The following PCDHGA1 variants were observed in gnomAD, a reference collection of about 807,000 sequenced individuals.
The protein encoded by PCDHGA1 is protocadherin gamma-A1.
PCDHGA1 carries 32 observed loss-of-function variants against 58.0 expected under a neutral mutation model. That is an observed-to-expected ratio of 0.55 (90% CI 0.42 to 0.74). PCDHGA1 has a LOEUF of 0.74. Ranked by LOEUF, PCDHGA1 falls within the 30% of genes least tolerant of loss-of-function variation. The pLI, the probability that PCDHGA1 is intolerant of heterozygous loss-of-function variation, is 0.00. For missense variants in PCDHGA1, 1,205 were observed against 1,182.3 expected, an observed-to-expected ratio of 1.02 and a Z score of -0.28; for synonymous variants, 498 against 501.1, an observed-to-expected ratio of 0.99 and a Z score of 0.08.
At chr5:141,462,984 T>G (rs1349170605) in intron 1 of PCDHGA1, among the ~76,000 whole-genome samples, 1 of 152,156 alleles carries the variant, frequency 6.6e-6, no homozygotes, top group African/African-American at 2.4e-5. Context: ...ACTTTTGCCT[T>G]GGGCTAATTT....
At chr5:141,374,020 G>T in intron 1 of PCDHGA1, 1 of 1,408,826 alleles carries the variant, frequency 7.1e-7, no homozygotes, top group Non-Finnish European at 9.3e-7. Context: ...TCTGAGAAGA[G>T]CAAAAGTGAT....
In PCDHGA1 at chr5:141,355,573, G is replaced by T. The variant is rs781268450; in HGVS notation, c.2421+22468G>T. On this transcript the variant is annotated intron_variant, in intron 1 of 3. Coordinates refer to ENST00000517417, the MANE Select transcript of PCDHGA1 (RefSeq NM_018912.3). ...TTTGCGGGTAGAGGTGGAAATAATC[G>T]ATGTTAATGATAACCCACCCAGTTT... 3.1e-6 allele frequency: 5 copies of T among 1,613,858 alleles called. No individual in the cohort carries two copies. In the African/African-American group the frequency reaches 4.0e-5, roughly 13 times the overall value.
intron 1 of PCDHGA1, chr5:141,339,427 T>G (rs200981359): frequency 5.7e-5 from 92 of 1,614,094 alleles, no homozygotes; most frequent in Non-Finnish European, 7.3e-5. Context: ...GATTCCGGAT[T>G]CCTCTTAAGA....
intron 1 of PCDHGA1, chr5:141,340,580 A>G (rs1328464150): frequency 1.2e-6 from 2 of 1,614,106 alleles, no homozygotes; most frequent in Admixed American, 1.7e-5. Flanking sequence ...AGCGCGGGAC[A>G]GCGGGAACCC....
rs1390278177 is a variant in PCDHGA1, at chr5:141,366,317, G to A, written c.2421+33212G>A. The A allele has an allele frequency of 1.9e-6, 3 of 1,613,628 alleles. No homozygotes were observed. In the South Asian group the frequency reaches 3.3e-5, roughly 18 times the overall value. ...GTCAGCCACCTTCACGGTCACCGTT[G>A]CCGTGGCCGACAGGATCCCTGACAT... On this transcript the variant is annotated intron_variant, in intron 1 of 3. Coordinates refer to ENST00000517417, the MANE Select transcript of PCDHGA1 (RefSeq NM_018912.3).
chr5:141,365,116 C>G (rs1763746744), intron 1 of PCDHGA1: 1 of 1,613,900 alleles, frequency 6.2e-7, no homozygotes, highest in Non-Finnish European at 8.5e-7. Flanking sequence ...CTCGGCTGCT[C>G]ATGCTAACCG....
At chr5:141,352,455 G>C in intron 1 of PCDHGA1, 8 of 1,613,978 alleles carry the variant, frequency 5.0e-6, no homozygotes, top group Non-Finnish European at 6.8e-6. Context: ...TCCAAGTCTG[G>C]GCCCGGGGTT....
At chr5:141,363,325 T>C (rs1762878436) in intron 1 of PCDHGA1, among the ~76,000 whole-genome samples, 1 of 152,276 alleles carries the variant, frequency 6.6e-6, no homozygotes, top group South Asian at 2.1e-4. Flanking sequence ...ATGAAAGTGT[T>C]ATTAAATAAA....
intron 1 of PCDHGA1, chr5:141,352,540 G>C: frequency 6.2e-7 from 1 of 1,613,980 alleles, no homozygotes. Context: ...CAAAGACAGA[G>C]TTTAATTCTC....
intron 1 of PCDHGA1, chr5:141,361,617 C>A (rs762792613): frequency 4.3e-6 from 7 of 1,613,866 alleles, no homozygotes; most frequent in Admixed American, 1.7e-5. Context: ...TCGTAGCGAG[C>A]GACCTGAAGC....
intron 1 of PCDHGA1, chr5:141,399,640 G>C: frequency 2.5e-6 from 4 of 1,613,836 alleles, no homozygotes; most frequent in Non-Finnish European, 3.4e-6. Flanking sequence ...GTCCATGAGC[G>C]CGCAAAGTGG....
chr5:141,390,509 A>G, intron 1 of PCDHGA1: 1 of 590,022 alleles, frequency 1.7e-6, no homozygotes, highest in Non-Finnish European at 2.9e-6. Flanking sequence ...GCTTAGATTT[A>G]TAAAGCAATG....
intron 1 of PCDHGA1, among the ~76,000 whole-genome samples, chr5:141,437,426 C>T (rs531265278): frequency 6.6e-6 from 1 of 152,268 alleles, no homozygotes; most frequent in South Asian, 2.1e-4. Flanking sequence ...CTTTTTGAAG[C>T]AGCAATAGCA....
intron 1 of PCDHGA1, chr5:141,418,485 A>G (rs1216502936): frequency 6.2e-7 from 1 of 1,614,028 alleles, no homozygotes; most frequent in South Asian, 1.1e-5. Context: ...AGCGCTCACC[A>G]CTTGGTACTG....
chr5:141,351,228 A>G, intron 1 of PCDHGA1: 1 of 1,614,086 alleles, frequency 6.2e-7, no homozygotes, highest in Non-Finnish European at 8.5e-7. Context: ...GGAGGAGTAC[A>G]CACAGCTCAC....
At chr5:141,365,608 C>T in intron 1 of PCDHGA1, 11 of 1,613,576 alleles carry the variant, frequency 6.8e-6, no homozygotes, top group Non-Finnish European at 9.3e-6. Flanking sequence ...CCGTCATGGA[C>T]CATGGAACCC....
At position 141,334,079 on chromosome 5, in the gene PCDHGA1, T is replaced by C. The variant is rs1357433434; in HGVS notation, c.2421+974T>C. On this transcript the variant is annotated intron_variant, in intron 1 of 3. Transcript: ENST00000517417. This position sits in a 1 kb window ranked among gnomAD's most constrained non-coding sequence, Gnocchi z 4.6. ...AGTCCATGCTTTGATGTATTTACTC[T>C]GCTCCAATAAAATACAGAGATACAT... is the stretch of plus-strand genomic sequence containing the variant. 1 of 152,244 alleles carries C rather than the reference T, an allele frequency of 6.6e-6. No homozygotes were observed. Among genetic ancestry groups the C allele is most frequent in the Non-Finnish European group, 1.5e-5 (1 of 68,050 alleles). The allele number at this position is 152,244 out of a possible 1,614,324, so 9.4% of individuals were successfully genotyped here. A position where few individuals can be genotyped will look rare whatever the true frequency, so the allele number is the denominator to read the frequency against.
chr5:141,491,390 T>G lies in PCDHGA1; in HGVS notation c.2422-3417T>G. 1 of 1,614,130 alleles carries G rather than the reference T, an allele frequency of 6.2e-7. No individual in the cohort carries two copies. Among genetic ancestry groups the G allele is most frequent in the Admixed American group, 1.7e-5 (1 of 60,028 alleles). ...TTCACCTTTCTGTCAGCGAAGTGCC[T>G]TCAGGGAAACGCAGACGGGGACGGG... On this transcript the variant is annotated intron_variant, in intron 1 of 3. Transcript: ENST00000517417. The surrounding 1 kb of genome is among the most constrained non-coding windows in gnomAD (Gnocchi z 6.9).
In PCDHGA1 at chr5:141,339,764, A is replaced by G. The variant is rs138877576; in HGVS notation, c.2421+6659A>G. On this transcript the variant is annotated intron_variant, in intron 1 of 3. Transcript: ENST00000517417. ...CGTGGGCACCCGGATACTCACGGTG[A>G]CCGCCACTGACGCAGATGAGGGCTA... 1.1e-4 allele frequency: 174 copies of G among 1,614,152 alleles called. No individual in the cohort carries two copies. In the Middle Eastern group the frequency reaches 1.5e-3, roughly 14 times the overall value.
Sources: allele counts gnomAD v4.1 joint callset (sites outside exome capture counted in the v4.1 genomes callset), GRCh38; gene constraint gnomAD v4.1.1; non-coding constraint Gnocchi (gnomAD v3.1); transcripts MANE v1.5; gene names NCBI Gene and HGNC (gene_info 2026-07-23, HGNC 2026-07-21).